The following HTR4 variants were observed in gnomAD, a reference collection of about 807,000 sequenced individuals.
HTR4 encodes the protein 5-hydroxytryptamine (serotonin) receptor 4, G protein-coupled.
In HTR4, 16 loss-of-function variants were observed where a neutral mutation model predicts 36.8. That is an observed-to-expected ratio of 0.43 (90% confidence interval 0.29 to 0.66). The LOEUF is 0.66. HTR4 is among the 30% of genes least tolerant of loss of function. The pLI, the probability that HTR4 is intolerant of heterozygous loss-of-function variation, is 0.13. For missense variants in HTR4, 438 were observed against 490.9 expected (o/e 0.89, Z 1.02); for synonymous variants, 189 against 185.1 (o/e 1.02, Z -0.17).
At chr5:148,514,500 T>C (rs1373036890) in intron 5 of HTR4, among the ~76,000 whole-genome samples, 1 of 152,108 alleles carries the variant, frequency 6.6e-6, no homozygotes. Flanking sequence ...CCACCAACTA[T>C]AAACACTGCC....
At chr5:148,480,003 CTCTT>C (rs1755826386), downstream of HTR4, among the ~76,000 whole-genome samples, 1 of 152,096 alleles carries the variant, frequency 6.6e-6, no homozygotes. Context: ...TCTTAGTTGA[CTCTT>C]TATGTAGTAT....
chr5:148,625,486 T>C (rs1753067190), intron 2 of HTR4, among the ~76,000 whole-genome samples: 1 of 152,204 alleles, frequency 6.6e-6, no homozygotes, highest in South Asian at 2.1e-4. Context: ...TTTTAAATAC[T>C]TTTCAACTTC....
intron 4 of HTR4, among the ~76,000 whole-genome samples, chr5:148,535,783 G>A (rs1356365532): frequency 1.3e-5 from 2 of 152,102 alleles, no homozygotes; most frequent in Non-Finnish European, 2.9e-5. Flanking sequence ...GAAAGGGATG[G>A]GGAGAAAGCA....
At chr5:148,573,840 A>C (rs1760775454) in intron 2 of HTR4, among the ~76,000 whole-genome samples, 1 of 151,944 alleles carries the variant, frequency 6.6e-6, no homozygotes, top group Admixed American at 6.6e-5. Context: ...CAGGTTAATG[A>C]CACCATAGAG....
At chr5:148,502,886 GGTATCA>G (rs554768054) in intron 6 of HTR4, among the ~76,000 whole-genome samples, 142 of 152,208 alleles carry the variant, frequency 9.3e-4, no homozygotes, top group African/African-American at 3.2e-3. Flanking sequence ...TGGAAGAAAG[GGTATCA>G]GTGATTGAAG....
intron 2 of HTR4, among the ~76,000 whole-genome samples, chr5:148,588,480 T>C (rs1581514128): frequency 6.6e-6 from 1 of 151,308 alleles, no homozygotes; most frequent in Non-Finnish European, 1.5e-5. Context: ...CCAGAAGTTA[T>C]CACTACACTA....
intron 1 of HTR4, among the ~76,000 whole-genome samples, chr5:148,652,779 G>T (rs779468400): frequency 2.0e-5 from 3 of 152,152 alleles, no homozygotes; most frequent in Non-Finnish European, 2.9e-5. Flanking sequence ...CCACAGGAGG[G>T]AATGATGCAA....
At chr5:148,518,585 A>C (rs74795771) in intron 5 of HTR4, among the ~76,000 whole-genome samples, 2,523 of 152,270 alleles carry the variant, frequency 0.017, 44 homozygotes, top group Middle Eastern at 0.034. Flanking sequence ...CTTTTAAAAC[A>C]TAGGGCAAAT....
chr5:148,610,054 G>C (rs1182021349), intron 2 of HTR4, among the ~76,000 whole-genome samples: 1 of 152,196 alleles, frequency 6.6e-6, no homozygotes, highest in Admixed American at 6.5e-5. Flanking sequence ...TTGGAAGCCA[G>C]GGCATTTCAG....
intron 4 of HTR4, among the ~76,000 whole-genome samples, chr5:148,523,738 A>C (rs1459253398): frequency 1.3e-5 from 2 of 152,100 alleles, no homozygotes; most frequent in Non-Finnish European, 2.9e-5. Flanking sequence ...TCCATCTCCC[A>C]ATATCTGGAG....
chr5:148,523,430 G>A (rs1003773525), intron 4 of HTR4, 84 bp from the exon 5 acceptor site: 4 of 1,173,976 alleles, frequency 3.4e-6, no homozygotes, highest in East Asian at 2.7e-5. Flanking sequence ...AGAGAGAAAA[G>A]GGGAGGAAGA....
At chr5:148,581,365 T>C (rs559526389) in intron 2 of HTR4, among the ~76,000 whole-genome samples, 1 of 152,180 alleles carries the variant, frequency 6.6e-6, no homozygotes, top group South Asian at 2.1e-4. Flanking sequence ...CTACTTATAA[T>C]TTTTGCTTCT....
chr5:148,512,387 T>A (rs1757535920), intron 5 of HTR4, among the ~76,000 whole-genome samples: 1 of 152,228 alleles, frequency 6.6e-6, no homozygotes, highest in African/African-American at 2.4e-5. Context: ...CGATATCCTG[T>A]CTTTTGAATT....
At chr5:148,545,987 A>G (rs940867375) in intron 4 of HTR4, among the ~76,000 whole-genome samples, 4 of 152,216 alleles carry the variant, frequency 2.6e-5, no homozygotes, top group African/African-American at 9.6e-5. Context: ...TCTTCAAGAA[A>G]TGATATTACT....
intron 1 of HTR4, among the ~76,000 whole-genome samples, chr5:148,649,240 G>C (rs1359555444): frequency 6.6e-6 from 1 of 150,876 alleles, no homozygotes; most frequent in Non-Finnish European, 1.5e-5. Context: ...AGTGCTTAGA[G>C]ATACCTTGCT....
intron 6 of HTR4, among the ~76,000 whole-genome samples, chr5:148,489,749 G>C (rs1231052777): frequency 6.6e-6 from 1 of 152,144 alleles, no homozygotes; most frequent in Non-Finnish European, 1.5e-5. Flanking sequence ...CTGCAGCGGG[G>C]AGAGTTGAGG....
At chr5:148,507,610 T>C (rs1197791657) in intron 6 of HTR4, among the ~76,000 whole-genome samples, 1 of 151,828 alleles carries the variant, frequency 6.6e-6, no homozygotes, top group Non-Finnish European at 1.5e-5. Context: ...GAAGAAAATA[T>C]GGAGTGTACA....
At chr5:148,644,690 G>C (rs1753829776) in intron 1 of HTR4, 2 of 152,056 alleles carry the variant, frequency 1.3e-5, no homozygotes, top group Non-Finnish European at 2.9e-5. Context: ...CCAGACAAGG[G>C]GATAGGAAGG....
At chr5:148,550,423 G>A (rs1469934267) in intron 2 of HTR4, among the ~76,000 whole-genome samples, 161 bp from the exon 3 acceptor site, 1 of 152,110 alleles carries the variant, frequency 6.6e-6, no homozygotes, top group Admixed American at 6.5e-5. Context: ...TGAACCGGTC[G>A]CTTGACATTT....
Sources: gnomAD v4.1 joint callset for allele counts (sites outside exome capture counted in the v4.1 genomes callset) on GRCh38, gnomAD v4.1.1 for gene constraint, MANE v1.5 for transcripts, NCBI Gene and HGNC (gene_info 2026-07-23, HGNC 2026-07-21) for gene names.